SOS1: variants seen among roughly 807,000 people sequenced by gnomAD.
SOS1 encodes son of sevenless homolog 1.
A neutral mutation model predicts 157.6 loss-of-function variants in SOS1; 25 were observed. The ratio of observed to expected loss-of-function variants is 0.16; its 90% CI spans 0.12 to 0.22. SOS1 has a LOEUF of 0.22. Ranked by LOEUF, SOS1 falls within the 10% of genes least tolerant of loss-of-function variation. The pLI is 1.00. For missense variants in SOS1, 1,237 were observed against 1,599.1 expected (o/e 0.77, Z 3.86); for synonymous variants, 528 against 534.0 (o/e 0.99, Z 0.16).
intron 11 of SOS1, among the ~76,000 whole-genome samples, 154 bp from the exon 12 acceptor site, chr2:39,014,143 A>T (rs953174340): frequency 4.6e-5 from 7 of 152,164 alleles, no homozygotes; most frequent in African/African-American, 1.7e-4. Flanking sequence ...TGAGACTCCT[A>T]TAGTATTAAA....
chr2:39,091,120 T>G (rs906169554), intron 1 of SOS1, among the ~76,000 whole-genome samples: 4 of 152,168 alleles, frequency 2.6e-5, no homozygotes, highest in African/African-American at 9.7e-5. Context: ...CCACCCGCCT[T>G]GGCCTGCCAA....
intron 1 of SOS1, among the ~76,000 whole-genome samples, chr2:39,073,065 TATTC>T (rs1465369186): frequency 6.6e-6 from 1 of 152,212 alleles, no homozygotes; most frequent in Admixed American, 6.5e-5. Context: ...AACACACTTC[TATTC>T]CATGAGATAG....
At chr2:39,080,226 T>A (rs1424908864) in intron 1 of SOS1, among the ~76,000 whole-genome samples, 1 of 151,886 alleles carries the variant, frequency 6.6e-6, no homozygotes, top group Non-Finnish European at 1.5e-5. Flanking sequence ...GGCATTAGAT[T>A]CTCATAAGGA....
In SOS1 at chr2:39,010,580, T is replaced by C; in HGVS notation, c.2510+4A>G. On this transcript the variant is annotated splice_donor_region_variant and intron_variant, in intron 15 of 22. Transcript: ENST00000402219. ...TAAAATATAAGAATGCTAGGAATAC[T>C]TACTTCTCAAACCACAGAGTGAGGT... 1 of 1,608,672 alleles carries C rather than the reference T, an allele frequency of 6.2e-7. No homozygotes were observed. The highest frequency in any genetic ancestry group is 8.5e-7 in the Non-Finnish European group (1 of 1,175,160).
At chr2:39,083,991 C>G (rs974425921) in intron 1 of SOS1, among the ~76,000 whole-genome samples, 2 of 152,020 alleles carry the variant, frequency 1.3e-5, no homozygotes, top group Non-Finnish European at 2.9e-5. Context: ...TGAATCCAAT[C>G]CAAGACTGGT....
At chr2:39,108,720 C>G (rs576570920) in intron 1 of SOS1, among the ~76,000 whole-genome samples, 13 of 152,002 alleles carry the variant, frequency 8.6e-5, no homozygotes, top group Non-Finnish European at 2.9e-5. Context: ...GAGACCCTGT[C>G]TCTACAAAAA....
Position 38,995,330 on chromosome 2 carries a change from G to A in SOS1, c.3139C>T (p.Pro1047Ser). The A allele has an allele frequency of 6.2e-7, 1 of 1,613,640 alleles. No individual in the cohort carries two copies. Among genetic ancestry groups the A allele is most frequent in the Non-Finnish European group, 8.5e-7 (1 of 1,179,652 alleles). ...SPGVRPSNPR[P>S]GTMRHPTPLQ... ...GGTGTGGGATGCCTCATGGTACCTG[G>A]TCTTGGGTTTGATGGACGAACACCA... The change falls in exon 20 of 23, where the codon CCA becomes TCA. Residue 1047 changes from proline to serine, a missense_variant. Physicochemically the swap from Pro to Ser is moderately conservative, Grantham distance 74. Coordinates refer to ENST00000402219, the MANE Select transcript of SOS1 (RefSeq NM_005633.4).
At chr2:38,986,657 A>G (rs747625199) in intron 22 of SOS1, among the ~76,000 whole-genome samples, 1 of 151,882 alleles carries the variant, frequency 6.6e-6, no homozygotes, top group South Asian at 2.1e-4. Context: ...TGTAGAGTCA[A>G]GGTCTTGCTC....
upstream of SOS1, chr2:39,124,294 C>T (rs1231302865): frequency 3.3e-5 from 5 of 152,428 alleles, no homozygotes; most frequent in Non-Finnish European, 5.9e-5. Flanking sequence ...GCGCCAGCCC[C>T]TCAGCTTTTA....
At chr2:39,041,030 C>G (rs1187069432) in intron 6 of SOS1, among the ~76,000 whole-genome samples, 1 of 152,116 alleles carries the variant, frequency 6.6e-6, no homozygotes, top group Non-Finnish European at 1.5e-5. Context: ...TAAATTTTAG[C>G]CATCTTAGTA....
intron 10 of SOS1, 31 bp downstream of exon 10, chr2:39,022,536 AAAC>A: frequency 5.1e-6 from 8 of 1,572,046 alleles, no homozygotes; most frequent in Non-Finnish European, 7.0e-6. Flanking sequence ...TGAAGCAGGA[AAAC>A]AAAAGTGACA....
chr2:39,085,625 T>G (rs1672342749), intron 1 of SOS1, among the ~76,000 whole-genome samples: 2 of 152,226 alleles, frequency 1.3e-5, no homozygotes, highest in South Asian at 4.1e-4. Flanking sequence ...TGAATCACGT[T>G]CCTTGATATA....
chr2:39,003,712 C>T (rs369537426), intron 17 of SOS1, among the ~76,000 whole-genome samples: 3 of 152,118 alleles, frequency 2.0e-5, no homozygotes, highest in African/African-American at 4.8e-5. Context: ...CATCCCCCCC[C>T]ACTCAAACTT....
chr2:38,983,295 A>G lies in SOS1; in HGVS notation c.*2529T>C, dbSNP rs1668455748. The G allele has an allele frequency of 6.6e-6, 1 of 152,178 alleles. No individual in the cohort carries two copies. Among genetic ancestry groups the G allele is most frequent in the Non-Finnish European group, 1.5e-5 (1 of 68,032 alleles). The allele number at this position is 152,178 out of a possible 1,614,324, so 9.4% of individuals were successfully genotyped here. The stretch of plus-strand genomic sequence containing the variant: ...ATTTGTCAACTAGTTAATGTTTCAT[A>G]TTGAGAAGAAGGCAAGGATGCCATT... On this transcript the variant is annotated 3_prime_UTR_variant, in exon 23 of 23. Transcript: ENST00000402219.
chr2:39,072,754 C>G (rs2148150687), intron 1 of SOS1, among the ~76,000 whole-genome samples: 1 of 152,266 alleles, frequency 6.6e-6, no homozygotes, highest in East Asian at 1.9e-4. Flanking sequence ...GTGATGCCAA[C>G]TGCACTTCTA....
chr2:39,096,028 G>T (rs1204037521), intron 1 of SOS1, among the ~76,000 whole-genome samples: 1 of 152,146 alleles, frequency 6.6e-6, no homozygotes, highest in Non-Finnish European at 1.5e-5. Context: ...AAACAACACA[G>T]ATCATCTAAT....
intron 1 of SOS1, among the ~76,000 whole-genome samples, chr2:39,079,502 T>TC (rs1672130372): frequency 4.5e-5 from 2 of 43,992 alleles, no homozygotes; most frequent in African/African-American, 2.1e-4. Context: ...TTTTTTTTTT[T>TC]TTTTTTTTTT....
chr2:38,989,885 C>A (rs1032747180), intron 20 of SOS1, among the ~76,000 whole-genome samples: 7 of 152,028 alleles, frequency 4.6e-5, no homozygotes, highest in Admixed American at 1.3e-4. Context: ...GGTGCCTAGA[C>A]TCATTTTACA....
upstream of SOS1, among the ~76,000 whole-genome samples, chr2:39,124,004 C>T (rs1673987300): frequency 6.6e-6 from 1 of 152,222 alleles, no homozygotes; most frequent in African/African-American, 2.4e-5. Flanking sequence ...GGCAGGTTTT[C>T]ACTAGCATGG....
Sources: allele counts gnomAD v4.1 joint callset (sites outside exome capture counted in the v4.1 genomes callset), GRCh38; gene constraint gnomAD v4.1.1; transcripts MANE v1.5; gene names NCBI Gene and HGNC (gene_info 2026-07-23, HGNC 2026-07-21).